The following FCHSD2 variants were observed in gnomAD, a reference collection of about 807,000 sequenced individuals.
The protein encoded by FCHSD2 is F-BAR and double SH3 domains protein 2.
Under a neutral mutation model 108.1 loss-of-function variants are expected in FCHSD2, and 38 were observed. The ratio of observed to expected loss-of-function variants is 0.35; its 90% CI spans 0.27 to 0.46. The LOEUF (loss-of-function observed/expected upper bound fraction) is 0.46. FCHSD2 is among the 20% of genes least tolerant of loss of function. The pLI is 1.00. For synonymous variants in FCHSD2, 279 were observed against 314.7 expected, an observed-to-expected ratio of 0.89 and a Z score of 1.20; for missense variants, 751 against 897.8, an observed-to-expected ratio of 0.84 and a Z score of 2.09.
At chr11:73,045,809 C>A (rs1260830831) in intron 3 of FCHSD2, among the ~76,000 whole-genome samples, 1 of 151,784 alleles carries the variant, frequency 6.6e-6, no homozygotes, top group Non-Finnish European at 1.5e-5. Context: ...GGGAGATATA[C>A]CTAATGCTAG....
intron 13 of FCHSD2, among the ~76,000 whole-genome samples, chr11:72,856,602 G>A (rs1192059233): frequency 6.6e-6 from 1 of 152,156 alleles, no homozygotes; most frequent in Non-Finnish European, 1.5e-5. Flanking sequence ...CCATTTCAAA[G>A]CTGCTGAAAT....
chr11:73,141,852 C>T lies in FCHSD2; in HGVS notation c.21+5G>A. ...AACCCCAAAGCCCCCCAGCTGCGCC[C>T]TTACCTTCCTCGGCGGCGGCTGCAT... On this transcript the variant is annotated splice_donor_5th_base_variant and intron_variant, in intron 1 of 19. Transcript: ENST00000409418. 1 of 1,545,126 alleles carries T rather than the reference C, an allele frequency of 6.5e-7. No homozygotes were observed. The highest frequency in any genetic ancestry group is 8.7e-7 in the Non-Finnish European group (1 of 1,146,022).
intron 3 of FCHSD2, among the ~76,000 whole-genome samples, chr11:73,041,349 A>T (rs1379823772): frequency 1.3e-5 from 2 of 152,158 alleles, no homozygotes; most frequent in African/African-American, 4.8e-5. Context: ...CCTACCAACA[A>T]TGTATAAGAG....
chr11:72,944,218 AT>A (rs1319128119), intron 8 of FCHSD2, among the ~76,000 whole-genome samples: 1 of 152,236 alleles, frequency 6.6e-6, no homozygotes, highest in East Asian at 1.9e-4. Context: ...AGTGGGCTTC[AT>A]CCCTGGGATG....
intron 8 of FCHSD2, among the ~76,000 whole-genome samples, chr11:72,974,768 A>G (rs1165172295): frequency 6.6e-6 from 1 of 152,172 alleles, no homozygotes; most frequent in East Asian, 1.9e-4. Flanking sequence ...ATTTATGGGA[A>G]CTGAGTCAAA....
intron 13 of FCHSD2, among the ~76,000 whole-genome samples, chr11:72,857,755 G>A (rs1490372433): frequency 6.6e-6 from 1 of 151,852 alleles, no homozygotes; most frequent in South Asian, 2.1e-4. Flanking sequence ...CGGCCAAAAT[G>A]CTTACTCTTA....
chr11:72,890,091 G>A lies in FCHSD2; in HGVS notation c.925-146C>T, dbSNP rs1034459219. The A allele has an allele frequency of 7.3e-5, 43 of 592,220 alleles. No homozygotes were observed. The East Asian group carries it at 8.4e-4, about 12-fold the overall frequency. 36.7% of individuals were successfully genotyped at this position (592,220 alleles called of 1,614,324 possible). On this transcript the variant is annotated intron_variant, in intron 10 of 19. Coordinates refer to ENST00000409418, the MANE Select transcript of FCHSD2 (RefSeq NM_014824.3). Reference sequence around the variant, plus strand: ...CTACTGCTGGAAGCAATGTCTTAACGTCACAGAAAGTTACCAGAAGAGTAA... The same window carrying A: ...CTACTGCTGGAAGCAATGTCTTAACATCACAGAAAGTTACCAGAAGAGTAA...
intron 2 of FCHSD2, among the ~76,000 whole-genome samples, chr11:73,119,588 A>AG (rs1439685753): frequency 6.6e-6 from 1 of 152,086 alleles, no homozygotes; most frequent in Non-Finnish European, 1.5e-5. Context: ...CTGGGACTAC[A>AG]GGCACATGCC....
intron 2 of FCHSD2, among the ~76,000 whole-genome samples, chr11:73,094,614 C>T (rs1312952477): frequency 6.6e-6 from 1 of 152,212 alleles, no homozygotes; most frequent in Non-Finnish European, 1.5e-5. Flanking sequence ...ATTTTTGCTA[C>T]GATACTTGAC....
intron 8 of FCHSD2, among the ~76,000 whole-genome samples, chr11:72,947,067 C>T (rs1460477377): frequency 6.6e-6 from 1 of 152,244 alleles, no homozygotes; most frequent in African/African-American, 2.4e-5. Context: ...GAAAATGAGA[C>T]TCACATCACT....
rs1356519863 is a variant in FCHSD2 at position 72,984,118 on chromosome 11, G to A, written c.675C>T (p.Tyr225=). The A allele has an allele frequency of 1.2e-6, 2 of 1,613,280 alleles. No homozygotes were observed. The highest frequency in any genetic ancestry group is 1.7e-6 in the Non-Finnish European group (2 of 1,179,306). Residue 225 remains tyrosine (Y), a synonymous_variant, in exon 8 of 20, where the codon TAC becomes TAT. Transcript: ENST00000409418. The part of the protein sequence containing the change: ...LAAANAHQDR[Y]YQTDLVNIMK... ...TAATGTTAACTAAATCTGTTTGATAGTAGCGATCCTGATGTGCATTTGCTG... is the reference window on the plus strand; with the variant it reads ...TAATGTTAACTAAATCTGTTTGATAATAGCGATCCTGATGTGCATTTGCTG...
intron 5 of FCHSD2, among the ~76,000 whole-genome samples, chr11:72,997,032 G>A (rs1036576681): frequency 1.3e-5 from 2 of 152,142 alleles, no homozygotes; most frequent in African/African-American, 4.8e-5. Context: ...GAGAGGTAAG[G>A]GTCTAGAAAG....
intron 8 of FCHSD2, among the ~76,000 whole-genome samples, chr11:72,979,069 G>A (rs1373777672): frequency 6.6e-6 from 1 of 151,928 alleles, no homozygotes; most frequent in East Asian, 1.9e-4. Flanking sequence ...ATGTTGGCAG[G>A]CTGGTCTCAA....
At chr11:72,921,538 T>A (rs961745093) in intron 9 of FCHSD2, among the ~76,000 whole-genome samples, 1 of 152,202 alleles carries the variant, frequency 6.6e-6, no homozygotes, top group South Asian at 2.1e-4. Context: ...AAACTCTGAG[T>A]AGAATACAAA....
rs1052101327 is a variant in FCHSD2, at chr11:72,857,742, G to A, written c.1309-7853C>T. Among the ~76,000 whole-genome samples, 22 of 151,758 alleles carry A rather than the reference G, an allele frequency of 1.4e-4. 1 individual carries two copies. Among genetic ancestry groups the A allele is most frequent in the Admixed American group, 1.3e-3 (20 of 15,210 alleles). ...TTGGATTACAGGCATGAGCCACCGC[G>A]CCCGGCCAAAATGCTTACTCTTATT... On this transcript the variant is annotated intron_variant, in intron 13 of 19. Transcript: ENST00000409418.
At chr11:73,140,352 T>C (rs1474043863) in intron 1 of FCHSD2, among the ~76,000 whole-genome samples, 1 of 152,170 alleles carries the variant, frequency 6.6e-6, no homozygotes, top group Non-Finnish European at 1.5e-5. Flanking sequence ...CGACTATAAA[T>C]ATTACAAACT....
At chr11:72,900,145 C>A in intron 10 of FCHSD2, 2 of 597,534 alleles carry the variant, frequency 3.3e-6, no homozygotes, top group South Asian at 2.5e-5. Context: ...TGCATCAGGG[C>A]CTCTTATACA....
At chr11:72,960,816 C>T (rs1856806382) in intron 8 of FCHSD2, among the ~76,000 whole-genome samples, 1 of 152,048 alleles carries the variant, frequency 6.6e-6, no homozygotes, top group Non-Finnish European at 1.5e-5. Flanking sequence ...AATAAGAATA[C>T]AGGTAAAGAA....
chr11:73,006,835 T>C (rs1270540997), intron 4 of FCHSD2, among the ~76,000 whole-genome samples: 5 of 152,236 alleles, frequency 3.3e-5, no homozygotes, highest in Non-Finnish European at 7.3e-5. Flanking sequence ...GGGTATGGCA[T>C]AGCAGGCACT....
Sources: allele counts gnomAD v4.1 joint callset (sites outside exome capture counted in the v4.1 genomes callset), GRCh38; gene constraint gnomAD v4.1.1; transcripts MANE v1.5; gene names NCBI Gene and HGNC (gene_info 2026-07-23, HGNC 2026-07-21).